The following CNOT9 variants were observed in gnomAD, a reference collection of about 807,000 sequenced individuals.
The protein encoded by CNOT9 is CCR4-NOT transcription complex subunit 9.
In CNOT9, 8 loss-of-function variants were observed where a neutral mutation model predicts 37.4. The ratio of observed to expected loss-of-function variants is 0.21; its 90% CI spans 0.13 to 0.39. The LOEUF (loss-of-function observed/expected upper bound fraction) is 0.39, where lower values mean the gene tolerates loss of function less well. CNOT9 is among the 10% of genes least tolerant of loss of function. CNOT9 has a pLI of 1.00. For synonymous variants in CNOT9, 120 were observed against 137.6 expected (o/e 0.87, Z 0.90); for missense variants, 154 against 365.3 (o/e 0.42, Z 4.71).
chr2:218,575,594 G>T (rs1176518877), intron 1 of CNOT9, among the ~76,000 whole-genome samples: 1 of 151,768 alleles, frequency 6.6e-6, no homozygotes, highest in Non-Finnish European at 1.5e-5. Context: ...TAGTAGAGAT[G>T]GGATTTCACC....
In CNOT9 at chr2:218,594,105, T is replaced by A. The variant is rs765039942; in HGVS notation, c.732-3T>A. ...CTGGTTGGTTTGTTTGTTTCTGATG[T>A]AGGGCACGTGAAGCACTCAGACAGT... On this transcript the variant is annotated splice_polypyrimidine_tract_variant and splice_region_variant and intron_variant, in intron 7 of 7. Coordinates refer to ENST00000273064, the MANE Select transcript of CNOT9 (RefSeq NM_005444.3). 1 of 1,614,134 alleles carries A rather than the reference T, an allele frequency of 6.2e-7. No homozygotes were observed. The highest frequency in any genetic ancestry group is 1.1e-5 in the South Asian group (1 of 91,082).
rs552877133 is a variant in CNOT9 at position 218,591,084 on chromosome 2, A to C, written c.541-1220A>C. 2.0e-5 allele frequency among the ~76,000 whole-genome samples: 3 copies of C among 152,276 alleles called. No individual in the cohort carries two copies. The South Asian group carries it at 6.2e-4, about 32-fold the overall frequency. ...CCCCCATCTCAAGATCCTTAACTTA[A>C]TCACGTCTGCAAAGTCCCATTTTTC... On this transcript the variant is annotated intron_variant, in intron 5 of 7. Coordinates refer to ENST00000273064, the MANE Select transcript of CNOT9 (RefSeq NM_005444.3).
intron 4 of CNOT9, among the ~76,000 whole-genome samples, chr2:218,586,335 G>C (rs1694597266): frequency 6.6e-6 from 1 of 152,146 alleles, no homozygotes; most frequent in South Asian, 2.1e-4. Context: ...CCCTCATGAG[G>C]TTAGTATTCT....
intron 4 of CNOT9, among the ~76,000 whole-genome samples, chr2:218,586,536 T>A (rs1219037564): frequency 6.6e-6 from 1 of 151,488 alleles, no homozygotes; most frequent in Non-Finnish European, 1.5e-5. Flanking sequence ...TTGCCCAGGC[T>A]AGAGTGCAGT....
intron 5 of CNOT9, among the ~76,000 whole-genome samples, chr2:218,591,323 C>T (rs1318298773): frequency 1.3e-5 from 2 of 152,098 alleles, no homozygotes; most frequent in African/African-American, 2.4e-5. Flanking sequence ...AGCTAATGAG[C>T]TCAAGTTGAG....
chr2:218,569,873 C>G (rs1422405263), intron 1 of CNOT9, among the ~76,000 whole-genome samples: 3 of 152,220 alleles, frequency 2.0e-5, no homozygotes, highest in African/African-American at 4.8e-5. Flanking sequence ...CATCTTTCTT[C>G]AGGTCTCTGC....
At chr2:218,577,572 G>A (rs908801086) in intron 1 of CNOT9, among the ~76,000 whole-genome samples, 58 of 152,178 alleles carry the variant, frequency 3.8e-4, no homozygotes, top group African/African-American at 8.2e-4. Context: ...ACCAGGCATT[G>A]GCCTTTCAGA....
At chr2:218,585,971 G>A (rs905179046) in intron 4 of CNOT9, among the ~76,000 whole-genome samples, 1 of 152,056 alleles carries the variant, frequency 6.6e-6, no homozygotes, top group Non-Finnish European at 1.5e-5. Flanking sequence ...ATTTATAACA[G>A]CACCGAAATG....
At position 218,592,809 on chromosome 2, in the gene CNOT9, G is replaced by T; in HGVS notation, c.731+102G>T. 1 of 871,370 alleles carries T rather than the reference G, an allele frequency of 1.1e-6. No individual in the cohort carries two copies. The highest frequency in any genetic ancestry group is 1.9e-6 in the Non-Finnish European group (1 of 535,944). The allele number at this position is 871,370 out of a possible 1,614,324, so 54.0% of individuals were successfully genotyped here. A position where few individuals can be genotyped will look rare whatever the true frequency, so the allele number is the denominator to read the frequency against. On this transcript the variant is annotated intron_variant, in intron 7 of 7. Coordinates refer to ENST00000273064, the MANE Select transcript of CNOT9 (RefSeq NM_005444.3). This position sits in a 1 kb window ranked among gnomAD's most constrained non-coding sequence, Gnocchi z 4.1. ...TGTGTCTTTAGGACAGGGAAGTGGG[G>T]ATATAACTGCATTTAGTTTGTCTGA...
Position 218,595,438 on chromosome 2 carries a change from T to C in CNOT9, c.*1162T>C, listed in dbSNP as rs1288305114. 1 of 126,390 alleles carries C rather than the reference T, an allele frequency of 7.9e-6. No individual in the cohort carries two copies. The highest frequency in any genetic ancestry group is 1.7e-5 in the Non-Finnish European group (1 of 59,392). 7.8% of individuals were successfully genotyped at this position (126,390 alleles called of 1,614,324 possible). On this transcript the variant is annotated 3_prime_UTR_variant, in exon 8 of 8. Transcript: ENST00000273064. ...TTTTTTTTTTTTTTTTTTTTGACCA[T>C]TCTCTTTTAGTCTATGGGAATTACA...
Position 218,594,387 on chromosome 2 carries a change from G to A in CNOT9, c.*111G>A. 1 of 1,222,352 alleles carries A rather than the reference G, an allele frequency of 8.2e-7. No individual in the cohort carries two copies. The highest frequency in any genetic ancestry group is 1.1e-6 in the Non-Finnish European group (1 of 880,072). The allele number at this position is 1,222,352 out of a possible 1,614,324, so 75.7% of individuals were successfully genotyped here. On this transcript the variant is annotated 3_prime_UTR_variant, in exon 8 of 8. Coordinates refer to ENST00000273064, the MANE Select transcript of CNOT9 (RefSeq NM_005444.3). ...ACTGGGAATAGACAACCTCAATGCTGAACCGCACTGGAGAAAAGGGGCAAG... is the reference window on the plus strand; with the variant it reads ...ACTGGGAATAGACAACCTCAATGCTAAACCGCACTGGAGAAAAGGGGCAAG...
chr2:218,569,112 C>T (rs1045456458), intron 1 of CNOT9, 134 bp downstream of exon 1: 2 of 940,070 alleles, frequency 2.1e-6, no homozygotes, highest in Admixed American at 5.1e-5. Context: ...CCCCGGTTCC[C>T]CTCCTCGGCA....
At chr2:218,581,082 G>A (rs1694356805) in intron 2 of CNOT9, 2 of 473,568 alleles carry the variant, frequency 4.2e-6, no homozygotes, top group Non-Finnish European at 4.2e-6. Flanking sequence ...GACAGGGGGA[G>A]GAAGGTGGAA....
chr2:218,589,785 A>G (rs1311729044), intron 5 of CNOT9, among the ~76,000 whole-genome samples: 2 of 152,348 alleles, frequency 1.3e-5, no homozygotes, highest in Admixed American at 1.3e-4. Context: ...TAGCTTTGAT[A>G]CTGGCACACA....
At chr2:218,576,489 C>T (rs1372946212) in intron 1 of CNOT9, among the ~76,000 whole-genome samples, 1 of 152,164 alleles carries the variant, frequency 6.6e-6, no homozygotes, top group Non-Finnish European at 1.5e-5. Flanking sequence ...TCTCTGAAAA[C>T]AATACCTATT....
chr2:218,583,529 G>A (rs1177631546), intron 3 of CNOT9, among the ~76,000 whole-genome samples: 7 of 152,000 alleles, frequency 4.6e-5, no homozygotes, highest in East Asian at 3.9e-4. Flanking sequence ...CATTCTGGGC[G>A]GCCTCTATAA....
At chr2:218,581,129 A>G (rs75019090) in intron 2 of CNOT9, 3,250 of 276,958 alleles carry the variant, frequency 0.012, 98 homozygotes, top group African/African-American at 0.088. Context: ...AATATATTCT[A>G]TGGAAAAGAA....
At chr2:218,572,797 G>T in intron 1 of CNOT9, 2 of 584,860 alleles carry the variant, frequency 3.4e-6, no homozygotes, top group Non-Finnish European at 4.3e-6. Flanking sequence ...CTAAACACTT[G>T]TCTTTCTCTC....
At chr2:218,593,073 T>A (rs1158821835) in intron 7 of CNOT9, 1 of 252,280 alleles carries the variant, frequency 4.0e-6, no homozygotes, top group Non-Finnish European at 7.6e-6. Context: ...AGAGGGCTCT[T>A]GAATTCTATT....
Sources: allele counts gnomAD v4.1 joint callset (sites outside exome capture counted in the v4.1 genomes callset), GRCh38; gene constraint gnomAD v4.1.1; non-coding constraint Gnocchi (gnomAD v3.1); transcripts MANE v1.5; gene names NCBI Gene and HGNC (gene_info 2026-07-23, HGNC 2026-07-21).